ADISSP: variants seen among roughly 807,000 people sequenced by gnomAD.
ADISSP encodes adipose-secreted signaling protein.
At chr20:3,767,924 T>A in the ADISSP span, 6 of 152,242 alleles carry the variant, frequency 3.9e-5, no homozygotes, top group East Asian at 1.2e-3. Flanking sequence ...AGCGCCCTGC[T>A]AGTCCGCGCC....
the ADISSP span, among the ~76,000 whole-genome samples, chr20:3,761,438 C>T: frequency 1.3e-5 from 2 of 151,832 alleles, no homozygotes; most frequent in Admixed American, 1.3e-4. Context: ...TGGGTTCGAG[C>T]GACTCTCCCA....
chr20:3,754,502 C>G, the ADISSP span: 1 of 1,613,854 alleles, frequency 6.2e-7, no homozygotes, highest in East Asian at 2.2e-5. Flanking sequence ...GCCGAGTACT[C>G]ACACTTGACA....
At chr20:3,756,745 G>A in the ADISSP span, among the ~76,000 whole-genome samples, 12 of 152,320 alleles carry the variant, frequency 7.9e-5, no homozygotes, top group East Asian at 2.3e-3. Flanking sequence ...AGGGGAAATA[G>A]AGATGTGCAG....
the ADISSP span, chr20:3,759,977 A>G: frequency 8.1e-7 from 1 of 1,241,760 alleles, no homozygotes; most frequent in Non-Finnish European, 1.1e-6. This position sits in a 1 kb window ranked among gnomAD's most constrained non-coding sequence, Gnocchi z 4.6. Flanking sequence ...ACACATGCAC[A>G]CACACACACA....
the ADISSP span, chr20:3,754,037 G>A: frequency 6.3e-7 from 1 of 1,578,270 alleles, no homozygotes. Flanking sequence ...GAGGGGCCCG[G>A]GGCAGGCGGG....
the ADISSP span, among the ~76,000 whole-genome samples, chr20:3,762,889 T>C: frequency 6.7e-6 from 1 of 150,368 alleles, no homozygotes; most frequent in Non-Finnish European, 1.5e-5. Context: ...ACAACTGACC[T>C]GTTTTTTTCA....
At chr20:3,753,662 T>G in the ADISSP span, 1 of 252,844 alleles carries the variant, frequency 4.0e-6, no homozygotes, top group Non-Finnish European at 7.9e-6. Flanking sequence ...GCAGGAGAGG[T>G]GGCTGAAGCA....
At chr20:3,756,728 A>C in the ADISSP span, among the ~76,000 whole-genome samples, 387 of 152,238 alleles carry the variant, frequency 2.5e-3, 1 homozygote, top group African/African-American at 8.0e-3. Flanking sequence ...TACTTATAGA[A>C]TTTTCCAGGG....
chr20:3,757,219 A>G, the ADISSP span, among the ~76,000 whole-genome samples: 1 of 151,930 alleles, frequency 6.6e-6, no homozygotes, highest in African/African-American at 2.4e-5. Flanking sequence ...GAGTGGTGGC[A>G]CGCGCCTGTA....
the ADISSP span, among the ~76,000 whole-genome samples, chr20:3,765,417 T>C: frequency 4.6e-5 from 7 of 152,330 alleles, no homozygotes; most frequent in South Asian, 6.2e-4. Flanking sequence ...GCTAGCTGCA[T>C]GGGTGAGTTC....
At chr20:3,761,209 A>G in the ADISSP span, among the ~76,000 whole-genome samples, 3 of 152,220 alleles carry the variant, frequency 2.0e-5, no homozygotes, top group Non-Finnish European at 1.5e-5. Flanking sequence ...TCATTCTGCA[A>G]CCCCTAAAGG....
chr20:3,760,104 C>G, the ADISSP span: 1 of 1,610,444 alleles, frequency 6.2e-7, no homozygotes, highest in Non-Finnish European at 8.5e-7. Context: ...CAGCCATGGA[C>G]GCCCTCCCTG....
At chr20:3,763,077 G>C in the ADISSP span, among the ~76,000 whole-genome samples, 1 of 151,986 alleles carries the variant, frequency 6.6e-6, no homozygotes, top group Non-Finnish European at 1.5e-5. Flanking sequence ...CCAACATGGC[G>C]AAACCCCATC....
the ADISSP span, chr20:3,753,589 G>A: frequency 5.5e-6 from 1 of 182,886 alleles, no homozygotes; most frequent in Non-Finnish European, 1.2e-5. Flanking sequence ...GACCTGAGGG[G>A]TGGGGGCTGG....
At chr20:3,755,070 C>T in the ADISSP span, among the ~76,000 whole-genome samples, 2 of 152,160 alleles carry the variant, frequency 1.3e-5, no homozygotes, top group Non-Finnish European at 2.9e-5. Context: ...CTGATAGGAA[C>T]AGCAGCCTGA....
chr20:3,754,444 C>A, the ADISSP span: 1 of 1,614,112 alleles, frequency 6.2e-7, no homozygotes, highest in Middle Eastern at 1.6e-4. Flanking sequence ...GCCAGTGCCA[C>A]CTTCGCAGGC....
the ADISSP span, chr20:3,759,890 G>A: frequency 2.2e-6 from 2 of 902,278 alleles, no homozygotes; most frequent in Non-Finnish European, 3.5e-6. The surrounding 1 kb of genome is among the most constrained non-coding windows in gnomAD (Gnocchi z 4.6). Flanking sequence ...TCCTGCTAGG[G>A]CTTGCGTGAG....
the ADISSP span, among the ~76,000 whole-genome samples, chr20:3,767,025 G>A: frequency 2.1e-3 from 326 of 152,036 alleles, no homozygotes; most frequent in African/African-American, 7.6e-3. Context: ...CCAGGTGTAG[G>A]ACCCTTTATC....
the ADISSP span, among the ~76,000 whole-genome samples, chr20:3,756,124 T>C: frequency 0.038 from 5,739 of 152,242 alleles, 153 homozygotes; most frequent in African/African-American, 0.075. Context: ...AGGCCACAGA[T>C]AGCGTGGGAT....
Sources: allele counts gnomAD v4.1 joint callset (sites outside exome capture counted in the v4.1 genomes callset), GRCh38; gene constraint gnomAD v4.1.1; non-coding constraint Gnocchi (gnomAD v3.1); transcripts MANE v1.5; gene names NCBI Gene and HGNC (gene_info 2026-07-23, HGNC 2026-07-21).